KLF8: variants seen among roughly 807,000 people sequenced by gnomAD.
The protein encoded by KLF8 is Krueppel-like factor 8.
In KLF8, 10 loss-of-function variants were observed where a neutral mutation model predicts 18.2. The observed-to-expected ratio is 0.55, with a 90% confidence interval of 0.34 to 0.93. KLF8 has a LOEUF of 0.93. Among genes scored for constraint, KLF8 ranks in the 40% least tolerant of loss-of-function variants. The pLI is 0.02. For missense variants in KLF8, 264 were observed against 277.9 expected, an observed-to-expected ratio of 0.95 and a Z score of 0.36; for synonymous variants, 109 against 97.3, an observed-to-expected ratio of 1.12 and a Z score of -0.71.
chrX:56,152,747 C>T, the KLF8 span, among the ~76,000 whole-genome samples: 1 of 111,756 alleles, frequency 8.9e-6, no homozygotes, highest in Non-Finnish European at 1.9e-5. Context: ...CATGTCTGCA[C>T]TCCTCAGATG....
the KLF8 span, among the ~76,000 whole-genome samples, chrX:56,105,553 A>G: frequency 1.1e-5 from 1 of 90,818 alleles, no homozygotes; most frequent in Non-Finnish European, 2.2e-5. Flanking sequence ...TTTTCTTTCC[A>G]TTTGCTTGGT....
the KLF8 span, among the ~76,000 whole-genome samples, chrX:56,082,196 T>C: frequency 8.9e-6 from 1 of 112,145 alleles, no homozygotes; most frequent in East Asian, 2.8e-4. Context: ...TGTGCATTTC[T>C]ATGAATTTTA....
At chrX:56,112,388 G>A in the KLF8 span, among the ~76,000 whole-genome samples, 4 of 111,260 alleles carry the variant, frequency 3.6e-5, no homozygotes, top group African/African-American at 1.3e-4. Context: ...TAGATGATGG[G>A]TTGATGGGTG....
At chrX:56,005,707 G>C in the KLF8 span, among the ~76,000 whole-genome samples, 1 of 112,269 alleles carries the variant, frequency 8.9e-6, no homozygotes, top group Non-Finnish European at 1.9e-5. Context: ...TGTGCATGCA[G>C]AGGAGAGGAG....
At chrX:56,034,748 C>CTTTTTTTTTTT in the KLF8 span, among the ~76,000 whole-genome samples, 8 of 53,818 alleles carry the variant, frequency 1.5e-4, no homozygotes, top group African/African-American at 5.1e-4. Context: ...GAACTTATTT[C>CTTTTTTTTTTT]TTTTTTTTTT....
At chrX:56,034,105 G>GT in the KLF8 span, among the ~76,000 whole-genome samples, 1 of 111,796 alleles carries the variant, frequency 8.9e-6, no homozygotes, top group Non-Finnish European at 1.9e-5. Flanking sequence ...ATTTCATGTA[G>GT]TTTTTTCTGC....
the KLF8 span, among the ~76,000 whole-genome samples, chrX:56,072,107 T>A: frequency 8.1e-5 from 9 of 111,770 alleles, no homozygotes; most frequent in Non-Finnish European, 1.5e-4. Context: ...ATTCTCTTTA[T>A]TCTTCCTGAA....
intron 3 of KLF8, chrX:56,266,198 T>C: frequency 7.9e-6 from 6 of 757,213 alleles, no homozygotes; most frequent in Non-Finnish European, 9.4e-6. Context: ...GGTGGGAAAG[T>C]TGAGAACAAT....
chrX:55,926,534 TTC>T, the KLF8 span, among the ~76,000 whole-genome samples: 3 of 111,426 alleles, frequency 2.7e-5, no homozygotes, highest in Non-Finnish European at 5.7e-5. Flanking sequence ...TTGCCATTCA[TTC>T]TCTTACATAT....
the KLF8 span, among the ~76,000 whole-genome samples, chrX:56,056,158 G>T: frequency 9.0e-6 from 1 of 111,505 alleles, no homozygotes; most frequent in East Asian, 2.8e-4. Context: ...AGTTGTCAGG[G>T]TTCTTGTGTT....
chrX:55,992,367 A>T, the KLF8 span, among the ~76,000 whole-genome samples: 7 of 112,043 alleles, frequency 6.2e-5, no homozygotes, highest in Admixed American at 5.7e-4. Context: ...TCATTTTTCC[A>T]TTGCTTCTTG....
chrX:56,207,476 A>G, the KLF8 span, among the ~76,000 whole-genome samples: 3 of 111,825 alleles, frequency 2.7e-5, no homozygotes, highest in Non-Finnish European at 5.6e-5. Context: ...AGAAATTTCT[A>G]CTACCAGATG....
the KLF8 span, among the ~76,000 whole-genome samples, chrX:56,079,318 T>A: frequency 9.0e-6 from 1 of 110,953 alleles, no homozygotes; most frequent in Admixed American, 9.6e-5. Flanking sequence ...TTTGAATGCA[T>A]CCCAGAGATT....
the KLF8 span, among the ~76,000 whole-genome samples, chrX:55,930,427 A>G: frequency 2.7e-5 from 3 of 111,972 alleles, no homozygotes; most frequent in Admixed American, 9.5e-5. Flanking sequence ...TATGTTGAAT[A>G]GGAGTGGTGA....
the KLF8 span, among the ~76,000 whole-genome samples, chrX:56,174,794 G>C: frequency 9.0e-6 from 1 of 111,623 alleles, no homozygotes; most frequent in African/African-American, 3.3e-5. Context: ...GGTCTATTCA[G>C]AGATTCAACT....
the KLF8 span, among the ~76,000 whole-genome samples, chrX:55,916,331 C>A: frequency 8.9e-6 from 1 of 111,767 alleles, no homozygotes; most frequent in Non-Finnish European, 1.9e-5. Flanking sequence ...GTAGCCCTGG[C>A]CTACTTGATA....
At chrX:56,031,237 G>A in the KLF8 span, among the ~76,000 whole-genome samples, 1 of 111,484 alleles carries the variant, frequency 9.0e-6, no homozygotes, top group Non-Finnish European at 1.9e-5. Flanking sequence ...ACAAAACAAA[G>A]AACAGGTAAA....
intron 1 of KLF8, among the ~76,000 whole-genome samples, chrX:56,246,645 T>C (rs371624812): frequency 2.7e-5 from 3 of 111,333 alleles, no homozygotes; most frequent in African/African-American, 9.8e-5. Context: ...TTGAGAGCAA[T>C]GTGGAGTATT....
At chrX:56,007,010 A>G in the KLF8 span, among the ~76,000 whole-genome samples, 4 of 112,009 alleles carry the variant, frequency 3.6e-5, no homozygotes, top group Admixed American at 1.9e-4. Flanking sequence ...ATGAATGTAC[A>G]TGTAGACAAA....
Sources: allele counts gnomAD v4.1 joint callset (sites outside exome capture counted in the v4.1 genomes callset), GRCh38; gene constraint gnomAD v4.1.1; transcripts MANE v1.5; gene names NCBI Gene and HGNC (gene_info 2026-07-23, HGNC 2026-07-21).